The following MPHOSPH9 variants were observed in gnomAD, a reference collection of about 807,000 sequenced individuals.
MPHOSPH9 encodes M-phase phosphoprotein 9.
MPHOSPH9 carries 88 observed loss-of-function variants against 145.5 expected under a neutral mutation model. That is an observed-to-expected ratio of 0.60 (90% confidence interval 0.51 to 0.72). The LOEUF (loss-of-function observed/expected upper bound fraction) is 0.72, where lower values mean the gene tolerates loss of function less well. Among genes scored for constraint, MPHOSPH9 ranks in the 30% least tolerant of loss-of-function variants. The pLI is 0.00. For missense variants in MPHOSPH9, 1,238 were observed against 1,386.6 expected (o/e 0.89, Z 1.70); for synonymous variants, 435 against 486.2 (o/e 0.89, Z 1.39).
At chr12:123,182,034 G>A (rs905298369) in intron 13 of MPHOSPH9, among the ~76,000 whole-genome samples, 6 of 151,304 alleles carry the variant, frequency 4.0e-5, no homozygotes, top group African/African-American at 9.7e-5. Flanking sequence ...TCTGCCTCCC[G>A]GGTTCAAGCA....
chr12:123,172,065 G>A (rs2044607057), intron 16 of MPHOSPH9, among the ~76,000 whole-genome samples: 1 of 152,116 alleles, frequency 6.6e-6, no homozygotes, highest in Non-Finnish European at 1.5e-5. Context: ...AATATAAATA[G>A]TATCCTATTT....
intron 11 of MPHOSPH9, among the ~76,000 whole-genome samples, chr12:123,199,256 T>G (rs1360682122): frequency 1.3e-5 from 2 of 152,180 alleles, no homozygotes; most frequent in Non-Finnish European, 2.9e-5. Flanking sequence ...TATGACCTTC[T>G]GTACTATTTC....
chr12:123,196,017 G>A (rs1329936952), intron 12 of MPHOSPH9, among the ~76,000 whole-genome samples: 2 of 150,792 alleles, frequency 1.3e-5, no homozygotes, highest in Admixed American at 1.3e-4. Context: ...CCTGGGCGAT[G>A]GAGTGAGACC....
At chr12:123,197,847 G>A (rs947014972) in intron 12 of MPHOSPH9, among the ~76,000 whole-genome samples, 12 of 150,724 alleles carry the variant, frequency 8.0e-5, no homozygotes, top group African/African-American at 2.9e-4. Flanking sequence ...ACTTTGGGAG[G>A]CCGAGGCAGG....
intron 16 of MPHOSPH9, among the ~76,000 whole-genome samples, chr12:123,173,486 C>A (rs1593093358): frequency 6.6e-6 from 1 of 152,166 alleles, no homozygotes; most frequent in Non-Finnish European, 1.5e-5. Flanking sequence ...AGGGTCCTGC[C>A]TCATCCTCTG....
intron 5 of MPHOSPH9, among the ~76,000 whole-genome samples, chr12:123,220,120 G>A (rs535553322): frequency 6.6e-6 from 1 of 152,232 alleles, no homozygotes; most frequent in Admixed American, 6.5e-5. Flanking sequence ...TATGAACCTG[G>A]GAGGTAGAGG....
chr12:123,160,534 T>C (rs2044063403), intron 23 of MPHOSPH9: 1 of 417,708 alleles, frequency 2.4e-6, no homozygotes, highest in Non-Finnish European at 4.2e-6. Context: ...GTTAGTTTCT[T>C]GAAAATACAA....
In MPHOSPH9 at chr12:123,230,471, T is replaced by C; in HGVS notation, c.-107A>G. On this transcript the variant is annotated 5_prime_UTR_variant, in exon 2 of 24. Coordinates refer to ENST00000606320, the MANE Select transcript of MPHOSPH9 (RefSeq NM_022782.4). Reference sequence around the variant, plus strand: ...CAGAGGCTTCATCATCTACTGGCATTTTCAGTGGCTAACATTCAGAACTGT... The same window carrying C: ...CAGAGGCTTCATCATCTACTGGCATCTTCAGTGGCTAACATTCAGAACTGT... The C allele has an allele frequency of 1.8e-6, 1 of 565,888 alleles. No homozygotes were observed. Among genetic ancestry groups the C allele is most frequent in the South Asian group, 2.5e-5 (1 of 39,876 alleles). 35.1% of individuals were successfully genotyped at this position (565,888 alleles called of 1,614,324 possible). A position where few individuals can be genotyped will look rare whatever the true frequency, so the allele number is the denominator to read the frequency against.
At chr12:123,169,075 G>A (rs1593080334) in intron 16 of MPHOSPH9, among the ~76,000 whole-genome samples, 1 of 151,546 alleles carries the variant, frequency 6.6e-6, no homozygotes, top group Admixed American at 6.6e-5. Context: ...TAGTAGGGAT[G>A]GGGTTTCACC....
chr12:123,238,075 TAGTAC>T (rs1252541557), upstream of MPHOSPH9, among the ~76,000 whole-genome samples: 1 of 151,998 alleles, frequency 6.6e-6, no homozygotes, highest in Non-Finnish European at 1.5e-5. Context: ...TTTTGTATTT[TAGTAC>T]AGAGGGGGTT....
In MPHOSPH9 at chr12:123,193,108, T is replaced by TACACACACAC. The variant is rs4044136; in HGVS notation, c.2241+1268_2241+1277dup. 4.1e-3 allele frequency among the ~76,000 whole-genome samples: 385 copies of TACACACACAC among 94,888 alleles called. 9 individuals carry two copies. Among genetic ancestry groups the TACACACACAC allele is most frequent in the African/African-American group, 0.015 (358 of 23,818 alleles). 62.3% of individuals were successfully genotyped at this position (94,888 alleles called of 152,430 possible). A position where few individuals can be genotyped will look rare whatever the true frequency, so the allele number is the denominator to read the frequency against. ...AAAAAAAAAAAAAAATATATATATA[T>TACACACACAC]ACACACACACACACACACACACACA... On this transcript the variant is annotated intron_variant, in intron 13 of 23. Coordinates refer to ENST00000606320, the MANE Select transcript of MPHOSPH9 (RefSeq NM_022782.4).
intron 16 of MPHOSPH9, among the ~76,000 whole-genome samples, chr12:123,172,987 T>C (rs1444915382): frequency 6.7e-6 from 1 of 148,638 alleles, no homozygotes; most frequent in Non-Finnish European, 1.5e-5. Flanking sequence ...GTTGAAGTGA[T>C]TCCTCAGCCT....
rs563116166 is a variant in MPHOSPH9 at position 123,181,992 on chromosome 12, G to A, written c.2242-782C>T. 1.3e-4 allele frequency among the ~76,000 whole-genome samples: 19 copies of A among 150,492 alleles called. No individual in the cohort carries two copies. The South Asian group carries it at 2.7e-3, about 22-fold the overall frequency. On this transcript the variant is annotated intron_variant, in intron 13 of 23. Coordinates refer to ENST00000606320, the MANE Select transcript of MPHOSPH9 (RefSeq NM_022782.4). The stretch of plus-strand genomic sequence containing the variant: ...TTTCTTTAGATGGAGTCGCTCTGTC[G>A]CCAGGCTGGAGTACAGTGGCTCACT...
chr12:123,160,701 A>AT (rs1565893717), intron 23 of MPHOSPH9, 80 bp downstream of exon 23: 3 of 1,351,808 alleles, frequency 2.2e-6, no homozygotes, highest in Non-Finnish European at 3.1e-6. Context: ...CTGTGCCATG[A>AT]TTTTTTAAAC....
Position 123,221,805 on chromosome 12 carries a change from CTTGT to C in MPHOSPH9, c.435_438del (p.Gln146TyrfsTer12), listed in dbSNP as rs749395701. 6 of 1,613,800 alleles carry C rather than the reference CTTGT, an allele frequency of 3.7e-6. No individual in the cohort carries two copies. The African/African-American group carries it at 4.0e-5, about 11-fold the overall frequency. On this transcript the variant is annotated frameshift_variant, in exon 5 of 24. Coordinates refer to ENST00000606320, the MANE Select transcript of MPHOSPH9 (RefSeq NM_022782.4). LOFTEE classifies it high-confidence loss of function. Reference sequence around the variant, plus strand: ...AAACCCATTTGACTTTCCGAAGATACTTGTTTGTTTGAAGAATTTCCTTCACAGG... The same window carrying C: ...AAACCCATTTGACTTTCCGAAGATACTTGTTTGAAGAATTTCCTTCACAGG...
intron 16 of MPHOSPH9, among the ~76,000 whole-genome samples, chr12:123,175,778 T>C (rs1227094030): frequency 6.6e-6 from 1 of 151,252 alleles, no homozygotes; most frequent in Non-Finnish European, 1.5e-5. Flanking sequence ...GCTCTCTCTT[T>C]TATCTCTCTC....
At chr12:123,181,051 G>T in intron 14 of MPHOSPH9, 112 bp downstream of exon 14, 1 of 948,472 alleles carries the variant, frequency 1.1e-6, no homozygotes, top group Non-Finnish European at 1.7e-6. Flanking sequence ...CAGTTCAACA[G>T]CTACGGAGGT....
intron 13 of MPHOSPH9, among the ~76,000 whole-genome samples, chr12:123,189,727 G>A (rs1277735028): frequency 6.6e-6 from 1 of 152,068 alleles, no homozygotes; most frequent in Non-Finnish European, 1.5e-5. Flanking sequence ...GAGGTCAGGA[G>A]ATCGAGACCA....
intron 13 of MPHOSPH9, among the ~76,000 whole-genome samples, chr12:123,189,015 G>A (rs2045566702): frequency 6.6e-6 from 1 of 152,124 alleles, no homozygotes; most frequent in Non-Finnish European, 1.5e-5. Flanking sequence ...CAGCTTGAAT[G>A]ACAGAGCAAG....
Sources: allele counts gnomAD v4.1 joint callset (sites outside exome capture counted in the v4.1 genomes callset), GRCh38; gene constraint gnomAD v4.1.1; transcripts MANE v1.5; gene names NCBI Gene and HGNC (gene_info 2026-07-23, HGNC 2026-07-21).